ODAD1: variants seen among roughly 807,000 people sequenced by gnomAD.
ODAD1 encodes the protein outer dynein arm docking complex subunit 1.
A neutral mutation model predicts 67.2 loss-of-function variants in ODAD1; 49 were observed. That is an observed-to-expected ratio of 0.73 (90% CI 0.58 to 0.92). The LOEUF (loss-of-function observed/expected upper bound fraction) is 0.92. Among genes scored for constraint, ODAD1 ranks in the 40% least tolerant of loss-of-function variants. ODAD1 has a pLI of 0.00. For synonymous variants in ODAD1, 345 were observed against 393.7 expected, an observed-to-expected ratio of 0.88 and a Z score of 1.46; for missense variants, 897 against 953.7, an observed-to-expected ratio of 0.94 and a Z score of 0.78.
Position 48,318,558 on chromosome 19 carries a change from C to G in ODAD1, c.189G>C (p.Leu63Phe). The G allele has an allele frequency of 1.3e-6, 2 of 1,551,434 alleles. No homozygotes were observed. Among genetic ancestry groups the G allele is most frequent in the Non-Finnish European group, 8.7e-7 (1 of 1,146,852 alleles). Reference protein sequence around the residue: ...INKQLEEIRRLEEVRGDLQVQ... With the variant: ...INKQLEEIRRFEEVRGDLQVQ... Reference sequence around the variant, plus strand: ...CCTGGAGATCGCCCCGTACCTCCTCCAAGCGCCGGATCTCCTCACTACCCA... The same window carrying G: ...CCTGGAGATCGCCCCGTACCTCCTCGAAGCGCCGGATCTCCTCACTACCCA... The change falls in exon 5 of 16, where the codon TTG (leucine) becomes TTC (phenylalanine). Residue 63 changes from leucine (L) to phenylalanine (F), a missense_variant. By Grantham distance (22) the Leu-to-Phe change is conservative. Transcript: ENST00000674294.
intron 12 of ODAD1, among the ~76,000 whole-genome samples, chr19:48,299,938 G>A (rs1569002293): frequency 6.6e-6 from 1 of 150,864 alleles, no homozygotes; most frequent in Non-Finnish European, 1.5e-5. Context: ...CACTTTGGGA[G>A]TCCAAGACAG....
At chr19:48,297,918 C>T in intron 14 of ODAD1, 82 bp downstream of exon 14, 1 of 1,190,846 alleles carries the variant, frequency 8.4e-7, no homozygotes, top group Non-Finnish European at 1.2e-6. Context: ...CCAAAAGCCC[C>T]CCAAAACTCT....
intron 6 of ODAD1, 101 bp from the exon 7 acceptor site, chr19:48,311,767 G>A: frequency 1.2e-6 from 1 of 848,304 alleles, no homozygotes; most frequent in South Asian, 1.5e-5. Context: ...GGTTGGGCCG[G>A]CCTGTTTCCT....
rs1968308029 is a variant in ODAD1, at chr19:48,297,091, C to T, written c.2009G>A (p.Gly670Asp). Residue 670 changes from glycine to aspartate, a missense_variant, in exon 16 of 16, where the codon GGC (glycine) becomes GAC (aspartate). Gly to Asp is a moderately conservative substitution (Grantham distance 94). Transcript: ENST00000674294. ...GCCTCCGCTCGAATCAGACGCTGTG[C>T]CTCCGCTCTCCACACCACCCTCTGT... The part of the protein sequence containing the change: ...ENTEGGVESG[G>D]TASDSSGGLG... The T allele has an allele frequency of 1.9e-6, 3 of 1,613,468 alleles. No individual in the cohort carries two copies.
chr19:48,299,867 G>A (rs10423534), intron 12 of ODAD1, among the ~76,000 whole-genome samples: 38,647 of 148,874 alleles, frequency 0.26, 5,872 homozygotes, highest in African/African-American at 0.43. Context: ...ACCCACAGAA[G>A]GGATTAAAAA....
At chr19:48,298,866 A>C (rs949916097) in intron 12 of ODAD1, among the ~76,000 whole-genome samples, 6 of 152,172 alleles carry the variant, frequency 3.9e-5, no homozygotes, top group Admixed American at 3.9e-4. Context: ...CACTGTGCCC[A>C]CATCACCTAG....
At chr19:48,309,862 T>C (rs1968711487) in intron 7 of ODAD1, among the ~76,000 whole-genome samples, 1 of 152,208 alleles carries the variant, frequency 6.6e-6, no homozygotes, top group Non-Finnish European at 1.5e-5. Context: ...CCTCCTGAGA[T>C]CTTGCACAGG....
intron 3 of ODAD1, 119 bp from the exon 4 acceptor site, chr19:48,318,931 C>T: frequency 1.5e-6 from 1 of 653,568 alleles, no homozygotes; most frequent in Non-Finnish European, 2.7e-6. Context: ...AACTGCAGAT[C>T]CAGCCCCCAA....
At chr19:48,312,412 G>GT (rs528076931) in intron 5 of ODAD1, among the ~76,000 whole-genome samples, 150 of 76,914 alleles carry the variant, frequency 2.0e-3, no homozygotes, top group Admixed American at 4.3e-3. Context: ...TTTTTTTTTT[G>GT]TTTTTTTTTT....
intron 3 of ODAD1, chr19:48,319,876 CTGGTATCCAGTGAGTA>C (rs1199057120): frequency 1.7e-5 from 3 of 178,772 alleles, no homozygotes; most frequent in African/African-American, 7.2e-5. Flanking sequence ...GAGGGGGCTA[CTGGTATCCAGTGAGTA>C]GAAGCCATGG....
intron 5 of ODAD1, among the ~76,000 whole-genome samples, chr19:48,312,680 G>A (rs1968796706): frequency 6.6e-6 from 1 of 152,034 alleles, no homozygotes; most frequent in Non-Finnish European, 1.5e-5. Flanking sequence ...GCCTCCCAAA[G>A]TGCTGGGATT....
chr19:48,312,330 G>A (rs1451804325), intron 5 of ODAD1, among the ~76,000 whole-genome samples: 2 of 151,326 alleles, frequency 1.3e-5, no homozygotes, highest in Non-Finnish European at 2.9e-5. Context: ...CATGACCCAG[G>A]TCTGGACACT....
Position 48,303,700 on chromosome 19 carries a change from T to C in ODAD1, c.938A>G (p.Gln313Arg). The change falls in exon 10 of 16, where the codon CAG becomes CGG. Residue 313 changes from glutamine to arginine, a missense_variant. Coordinates refer to ENST00000674294, the MANE Select transcript of ODAD1 (RefSeq NM_001364171.2). ...CYEDALNKLS[Q>R]LMGESDPDLL... is the part of the protein sequence containing the mutation. ...GTCAGGGTCACTCTCCCCCATCAGCTGGGACAGTTTATTCAGGGCGTCCTC... is the reference window on the plus strand; with the variant it reads ...GTCAGGGTCACTCTCCCCCATCAGCCGGGACAGTTTATTCAGGGCGTCCTC... 1 of 1,614,062 alleles carries C rather than the reference T, an allele frequency of 6.2e-7. No individual in the cohort carries two copies. Among genetic ancestry groups the C allele is most frequent in the South Asian group, 1.1e-5 (1 of 91,086 alleles).
Position 48,303,687 on chromosome 19 carries a change from C to T in ODAD1, c.951G>A (p.Glu317=), listed in dbSNP as rs138997866. ...ALNKLSQLMG[E]SDPDLLVQKY... is the part of the protein sequence containing the mutation. Reference sequence around the variant, plus strand: ...TCTGCACCAACAGGTCAGGGTCACTCTCCCCCATCAGCTGGGACAGTTTAT... The same window carrying T: ...TCTGCACCAACAGGTCAGGGTCACTTTCCCCCATCAGCTGGGACAGTTTAT... The change falls in exon 10 of 16, where the codon GAG becomes GAA. Residue 317 remains glutamate (E), a synonymous_variant. Coordinates refer to ENST00000674294, the MANE Select transcript of ODAD1 (RefSeq NM_001364171.2). The T allele has an allele frequency of 3.1e-6, 5 of 1,614,180 alleles. No individual in the cohort carries two copies. The highest frequency in any genetic ancestry group is 4.2e-6 in the Non-Finnish European group (5 of 1,179,998).
chr19:48,296,989 T>C lies in ODAD1; in HGVS notation c.2111A>G (p.Asp704Gly). Reference protein sequence around the residue: ...STGPGSSTSKDSRG With the variant: ...STGPGSSTSKGSRG ...GTGCCCCTCGTGTTAGCCCCGGGAG[T>C]CTTTGCTGGTGGAGGAGCCCGGGCC... Residue 704 changes from aspartate (D) to glycine (G), a missense_variant, in exon 16 of 16, where the codon GAC (aspartate) becomes GGC (glycine). By Grantham distance (94) the Asp-to-Gly change is moderately conservative. Coordinates refer to ENST00000674294, the MANE Select transcript of ODAD1 (RefSeq NM_001364171.2). 2 of 1,597,836 alleles carry C rather than the reference T, an allele frequency of 1.3e-6. No individual in the cohort carries two copies. The highest frequency in any genetic ancestry group is 1.7e-6 in the Non-Finnish European group (2 of 1,173,192).
chr19:48,319,189 C>T (rs573675989), intron 3 of ODAD1, among the ~76,000 whole-genome samples: 4 of 152,074 alleles, frequency 2.6e-5, no homozygotes, highest in African/African-American at 9.7e-5. Flanking sequence ...CCTCCTCCCT[C>T]TCTCAACCCA....
chr19:48,317,923 A>T (rs1305009591), intron 5 of ODAD1, among the ~76,000 whole-genome samples: 1 of 152,176 alleles, frequency 6.6e-6, no homozygotes, highest in East Asian at 1.9e-4. Flanking sequence ...ATACAAAAAA[A>T]GTAGCCAGGC....
intron 8 of ODAD1, 90 bp downstream of exon 8, chr19:48,306,166 T>C (rs1031688729): frequency 3.3e-6 from 5 of 1,515,922 alleles, no homozygotes; most frequent in Non-Finnish European, 4.4e-6. Flanking sequence ...ACGTGTTTCA[T>C]GAGTCCTGAA....
intron 5 of ODAD1, among the ~76,000 whole-genome samples, chr19:48,312,480 G>A (rs1342212172): frequency 1.4e-5 from 2 of 139,478 alleles, no homozygotes; most frequent in African/African-American, 2.7e-5. Flanking sequence ...GCAGTGGCGC[G>A]ATCTTGGCTC....
Sources: allele counts gnomAD v4.1 joint callset (sites outside exome capture counted in the v4.1 genomes callset), GRCh38; gene constraint gnomAD v4.1.1; transcripts MANE v1.5; gene names NCBI Gene and HGNC (gene_info 2026-07-23, HGNC 2026-07-21).